Variants in BRINP3 observed in about 807,000 individuals in gnomAD.
The protein encoded by BRINP3 is BMP/retinoic acid-inducible neural-specific protein 3.
BRINP3 carries 19 observed loss-of-function variants against 71.0 expected under a neutral mutation model. The observed-to-expected ratio is 0.27, with a 90% CI of 0.19 to 0.39. The LOEUF is 0.39. Ranked by LOEUF, BRINP3 falls within the 10% of genes least tolerant of loss-of-function variation. The pLI, the probability that BRINP3 is intolerant of heterozygous loss-of-function variation, is 1.00. For synonymous variants in BRINP3, 380 were observed against 337.7 expected (o/e 1.13, Z -1.37); for missense variants, 959 against 940.8 (o/e 1.02, Z -0.25).
chr1:190,452,346 A>G (rs2102616286), intron 2 of BRINP3, among the ~76,000 whole-genome samples: 1 of 152,318 alleles, frequency 6.6e-6, no homozygotes, highest in African/African-American at 2.4e-5. Context: ...TTGTTTATAA[A>G]TGGATTTAAT....
intron 2 of BRINP3, among the ~76,000 whole-genome samples, chr1:190,437,693 T>C (rs1212971396): frequency 6.6e-6 from 1 of 151,792 alleles, no homozygotes; most frequent in Non-Finnish European, 1.5e-5. Context: ...ATTTCATTAT[T>C]TGTTTAAGTA....
chr1:190,304,064 TA>T (rs1335184772), intron 2 of BRINP3, among the ~76,000 whole-genome samples: 11 of 151,794 alleles, frequency 7.2e-5, no homozygotes, highest in African/African-American at 2.7e-4. Context: ...CTGAAGAAAG[TA>T]AGAATTCTAC....
chr1:190,394,476 C>G (rs2102321219), intron 2 of BRINP3, among the ~76,000 whole-genome samples: 1 of 151,562 alleles, frequency 6.6e-6, no homozygotes, highest in African/African-American at 2.4e-5. Flanking sequence ...AAAGGAAAAC[C>G]TCTAAATTTG....
intron 4 of BRINP3, among the ~76,000 whole-genome samples, chr1:190,240,452 A>G (rs1658953485): frequency 1.3e-5 from 2 of 152,118 alleles, no homozygotes; most frequent in Admixed American, 6.6e-5. Flanking sequence ...AAAATTTTAA[A>G]GCAAAATTTC....
At position 190,301,687 on chromosome 1, in the gene BRINP3, T is replaced by C. The variant is rs913904471; in HGVS notation, c.237-19937A>G. 6.6e-5 allele frequency among the ~76,000 whole-genome samples: 10 copies of C among 152,046 alleles called. No homozygotes were observed. The South Asian group carries it at 2.1e-3, about 32-fold the overall frequency. ...AAAACAAAGCAAGGTGAGAAAACTA[T>C]TTCTGTGTAATTACATAACTATCTC... On this transcript the variant is annotated intron_variant, in intron 2 of 7. Coordinates refer to ENST00000367462, the MANE Select transcript of BRINP3 (RefSeq NM_199051.3).
chr1:190,363,448 A>G (rs781715453), intron 2 of BRINP3, among the ~76,000 whole-genome samples: 1 of 152,184 alleles, frequency 6.6e-6, no homozygotes, highest in Non-Finnish European at 1.5e-5. Flanking sequence ...ACATTATTAG[A>G]GATCATAAAA....
At chr1:190,133,706 G>T (rs987089419) in intron 7 of BRINP3, among the ~76,000 whole-genome samples, 6 of 152,026 alleles carry the variant, frequency 3.9e-5, no homozygotes, top group African/African-American at 1.4e-4. Context: ...ATGCATACTT[G>T]TACATCATTA....
rs186787898 is a variant in BRINP3, at chr1:190,232,376, G to A, written c.724+1996C>T. ...AGATGAGGGGTAGTACAAAAGGAGAGGTTTAAAAGTTAGCCAACATTATAC... is the reference window on the plus strand; with the variant it reads ...AGATGAGGGGTAGTACAAAAGGAGAAGTTTAAAAGTTAGCCAACATTATAC... On this transcript the variant is annotated intron_variant, in intron 5 of 7. Transcript: ENST00000367462. Among the ~76,000 whole-genome samples, 602 of 151,998 alleles carry A rather than the reference G, an allele frequency of 4.0e-3. 1 individual carries two copies. Among genetic ancestry groups the A allele is most frequent in the Middle Eastern group, 0.01 (3 of 294 alleles).
chr1:190,104,230 T>C (rs921695839), intron 7 of BRINP3, among the ~76,000 whole-genome samples: 2 of 151,978 alleles, frequency 1.3e-5, no homozygotes, highest in Non-Finnish European at 2.9e-5. Flanking sequence ...ATTTAGGTTC[T>C]TGAGTGACAA....
chr1:190,251,056 A>G (rs2102814781), intron 4 of BRINP3, among the ~76,000 whole-genome samples: 1 of 151,696 alleles, frequency 6.6e-6, no homozygotes, highest in Non-Finnish European at 1.5e-5. Flanking sequence ...ATCTCTATAA[A>G]TAATAATAAC....
chr1:190,435,630 T>C (rs541725628), intron 2 of BRINP3, among the ~76,000 whole-genome samples: 2 of 152,058 alleles, frequency 1.3e-5, no homozygotes, highest in Non-Finnish European at 2.9e-5. Context: ...GTAACATTTT[T>C]AAATGACATC....
At chr1:190,441,827 T>C (rs962135259) in intron 2 of BRINP3, among the ~76,000 whole-genome samples, 4 of 152,082 alleles carry the variant, frequency 2.6e-5, no homozygotes, top group Non-Finnish European at 4.4e-5. Context: ...AGTGTTATCA[T>C]TGGATTAAAC....
rs2102998873 is a variant in BRINP3 at position 190,301,512 on chromosome 1, A to G, written c.237-19762T>C. Among the ~76,000 whole-genome samples the G allele has an allele frequency of 2.0e-5, 3 of 151,608 alleles. No homozygotes were observed. The South Asian group carries it at 6.3e-4, about 32-fold the overall frequency. The stretch of plus-strand genomic sequence containing the variant: ...ATTCTTTCTTAATTCCTGTTATTCC[A>G]TAATTCCTTCATTTATCTCTTTCCT... On this transcript the variant is annotated intron_variant, in intron 2 of 7. Transcript: ENST00000367462.
intron 5 of BRINP3, among the ~76,000 whole-genome samples, chr1:190,234,145 G>A (rs1658285662): frequency 6.6e-6 from 1 of 152,058 alleles, no homozygotes; most frequent in Admixed American, 6.6e-5. Context: ...ATTTTCAATT[G>A]CTATAGCTTA....
chr1:190,321,652 CTCA>C (rs767900283), intron 2 of BRINP3, among the ~76,000 whole-genome samples: 1 of 152,066 alleles, frequency 6.6e-6, no homozygotes, highest in Admixed American at 6.6e-5. Context: ...GTATTATTTA[CTCA>C]TCATCATTAT....
intron 6 of BRINP3, among the ~76,000 whole-genome samples, chr1:190,184,042 T>A (rs183495489): frequency 1.3e-5 from 2 of 152,238 alleles, no homozygotes; most frequent in Non-Finnish European, 2.9e-5. Context: ...GTACCATATA[T>A]ATAGTGCATG....
intron 6 of BRINP3, among the ~76,000 whole-genome samples, chr1:190,206,555 G>T (rs2102633133): frequency 6.6e-6 from 1 of 152,170 alleles, no homozygotes; most frequent in Non-Finnish European, 1.5e-5. Context: ...AAATACTTAA[G>T]AATTGTTCCT....
At chr1:190,456,379 T>C (rs190678966) in intron 1 of BRINP3, among the ~76,000 whole-genome samples, 1 of 152,204 alleles carries the variant, frequency 6.6e-6, no homozygotes, top group African/African-American at 2.4e-5. Context: ...GCGTACCGTC[T>C]TTTGTAAACA....
At chr1:190,429,730 A>G (rs1673967211) in intron 2 of BRINP3, among the ~76,000 whole-genome samples, 1 of 151,716 alleles carries the variant, frequency 6.6e-6, no homozygotes. Context: ...AGCTGGGATT[A>G]CAGGAAGCTG....
Sources: gnomAD v4.1 joint callset for allele counts (sites outside exome capture counted in the v4.1 genomes callset) on GRCh38, gnomAD v4.1.1 for gene constraint, MANE v1.5 for transcripts, NCBI Gene and HGNC (gene_info 2026-07-23, HGNC 2026-07-21) for gene names.